The following NDUFAB1 variants were observed in gnomAD, a reference collection of about 807,000 sequenced individuals.
The protein encoded by NDUFAB1 is NADH:ubiquinone oxidoreductase subunit AB1.
NDUFAB1 carries 5 observed loss-of-function variants against 16.1 expected under a neutral mutation model. That is an observed-to-expected ratio of 0.31 (90% CI 0.16 to 0.65). The LOEUF (loss-of-function observed/expected upper bound fraction) is 0.65, where lower values mean the gene tolerates loss of function less well. Among genes scored for constraint, NDUFAB1 ranks in the 30% least tolerant of loss-of-function variants. The pLI, the probability that NDUFAB1 is intolerant of heterozygous loss-of-function variation, is 0.77. For synonymous variants in NDUFAB1, 85 were observed against 78.4 expected (o/e 1.08, Z -0.44); for missense variants, 187 against 205.3 (o/e 0.91, Z 0.54).
chr16:23,596,140 C>A lies in NDUFAB1; in HGVS notation c.151G>T (p.Ala51Ser). The A allele has an allele frequency of 1.2e-6, 2 of 1,608,692 alleles. No homozygotes were observed. Among genetic ancestry groups the A allele is most frequent in the Non-Finnish European group, 1.7e-6 (2 of 1,177,992 alleles). The change falls in exon 1 of 5, where the codon GCC (alanine) becomes TCC (serine). Residue 51 changes from alanine (A) to serine (S), a missense_variant. Coordinates refer to ENST00000007516, the MANE Select transcript of NDUFAB1 (RefSeq NM_005003.3). ...TQTRLGTLQPALVLAQVPGRV... is the reference protein window; with the variant it reads ...TQTRLGTLQPSLVLAQVPGRV... Reference sequence around the variant, plus strand: ...CGAGTCACCTGCGCGAGCACTAAGGCCGGCTGCAAAGTCCCGAGCCTCGTC... The same window carrying A: ...CGAGTCACCTGCGCGAGCACTAAGGACGGCTGCAAAGTCCCGAGCCTCGTC...
chr16:23,586,337 ATTT>A (rs892086548), intron 2 of NDUFAB1, among the ~76,000 whole-genome samples: 1 of 150,142 alleles, frequency 6.7e-6, no homozygotes, highest in African/African-American at 2.4e-5. Flanking sequence ...AACAGATTCA[ATTT>A]TTTTTCGTTG....
At chr16:23,595,607 C>T (rs1053791567) in intron 1 of NDUFAB1, 3 of 456,466 alleles carry the variant, frequency 6.6e-6, no homozygotes, top group Admixed American at 2.3e-5. Context: ...CCTAGAATTA[C>T]TTCCAGGAGT....
intron 1 of NDUFAB1, chr16:23,595,641 G>T (rs1320792784): frequency 2.2e-6 from 1 of 457,576 alleles, no homozygotes. Context: ...AGAAGGTGCT[G>T]CAGGGAAGAG....
intron 1 of NDUFAB1, among the ~76,000 whole-genome samples, chr16:23,594,240 C>T (rs867929874): frequency 5.9e-5 from 9 of 152,026 alleles, no homozygotes; most frequent in Non-Finnish European, 4.4e-5. Context: ...CAGGGCAGTG[C>T]CCAATGAATG....
intron 1 of NDUFAB1, chr16:23,595,334 A>G (rs546824272): frequency 9.9e-6 from 3 of 303,050 alleles, no homozygotes; most frequent in South Asian, 7.9e-5. Context: ...AGATTTCATC[A>G]GCTCAAGCTA....
At chr16:23,585,537 G>A (rs928755915) in intron 2 of NDUFAB1, 114 bp from the exon 3 acceptor site, 4 of 739,884 alleles carry the variant, frequency 5.4e-6, no homozygotes, top group African/African-American at 5.3e-5. Flanking sequence ...TATACTTTAA[G>A]TTTTAGGGTA....
At chr16:23,581,210 T>G (rs1966176384) in intron 4 of NDUFAB1, 37 bp from the exon 5 acceptor site, 1 of 152,416 alleles carries the variant, frequency 6.6e-6, no homozygotes, top group Non-Finnish European at 1.5e-5. Context: ...TTATTTTTGA[T>G]GTATTCTTAC....
At chr16:23,583,317 T>C (rs1254986668) in intron 3 of NDUFAB1, among the ~76,000 whole-genome samples, 144 of 91,664 alleles carry the variant, frequency 1.6e-3, no homozygotes, top group Middle Eastern at 9.1e-3. Flanking sequence ...GCCGCCATCC[T>C]GTCTAGGAAG....
chr16:23,585,761 G>A (rs1384358166), intron 2 of NDUFAB1, among the ~76,000 whole-genome samples: 1 of 152,144 alleles, frequency 6.6e-6, no homozygotes, highest in African/African-American at 2.4e-5. Flanking sequence ...AACACACAGT[G>A]TTTGGTTTTC....
chr16:23,590,272 G>T (rs912069299), intron 1 of NDUFAB1, among the ~76,000 whole-genome samples: 1 of 152,192 alleles, frequency 6.6e-6, no homozygotes, highest in Non-Finnish European at 1.5e-5. Flanking sequence ...CAGGATCAGC[G>T]TGAGGCAGTA....
rs1316511291 is a variant in NDUFAB1, at chr16:23,592,378, C to G, written c.168+3745G>C. On this transcript the variant is annotated intron_variant, in intron 1 of 4. Transcript: ENST00000007516. ...AAAAAAAGTCATGAAAGTGCAGTGC[C>G]TGTGTCTATGTGAGAAGACATCAGC... Among the ~76,000 whole-genome samples the G allele has an allele frequency of 2.6e-5, 4 of 151,266 alleles. 1 individual carries two copies. In the East Asian group the frequency reaches 7.8e-4, roughly 29 times the overall value.
At chr16:23,594,409 G>C (rs372761353) in intron 1 of NDUFAB1, among the ~76,000 whole-genome samples, 3 of 152,140 alleles carry the variant, frequency 2.0e-5, no homozygotes, top group African/African-American at 7.2e-5. Context: ...CTGGAGTGCA[G>C]TGGCATCATC....
intron 1 of NDUFAB1, among the ~76,000 whole-genome samples, chr16:23,593,003 A>C (rs1331606763): frequency 1.3e-5 from 2 of 152,220 alleles, no homozygotes; most frequent in Admixed American, 1.3e-4. Context: ...CCAACATTTA[A>C]GGGTTAGGCA....
At chr16:23,593,644 C>G (rs1323254781) in intron 1 of NDUFAB1, among the ~76,000 whole-genome samples, 2 of 152,224 alleles carry the variant, frequency 1.3e-5, no homozygotes, top group East Asian at 3.8e-4. Flanking sequence ...GCAGGATCTT[C>G]TGGAAGCCCA....
intron 1 of NDUFAB1, among the ~76,000 whole-genome samples, chr16:23,588,915 C>A (rs148182460): frequency 3.3e-5 from 5 of 152,174 alleles, no homozygotes; most frequent in African/African-American, 1.2e-4. Flanking sequence ...ACAGAGGTTG[C>A]AGTGAGCCGA....
chr16:23,587,718 C>T (rs908719597), intron 1 of NDUFAB1, among the ~76,000 whole-genome samples: 1 of 152,234 alleles, frequency 6.6e-6, no homozygotes, highest in African/African-American at 2.4e-5. Flanking sequence ...TGACCCAAGT[C>T]AAAATAACCC....
chr16:23,596,099 G>A (rs1966323255), intron 1 of NDUFAB1, 24 bp downstream of exon 1: 2 of 1,598,172 alleles, frequency 1.3e-6, no homozygotes, highest in African/African-American at 1.4e-5. Context: ...CTTGCCAAGC[G>A]GCAGCAAAGT....
chr16:23,585,935 T>A (rs772503167), intron 2 of NDUFAB1, among the ~76,000 whole-genome samples: 3 of 152,218 alleles, frequency 2.0e-5, no homozygotes, highest in Non-Finnish European at 4.4e-5. Context: ...TGTTGTCTGT[T>A]TTTTGGTTTT....
chr16:23,583,008 A>G (rs1160538020), intron 3 of NDUFAB1, among the ~76,000 whole-genome samples: 5 of 152,196 alleles, frequency 3.3e-5, no homozygotes, highest in Admixed American at 2.0e-4. Flanking sequence ...TGGTGGAGAC[A>G]GGGTTTCGCT....
Sources: allele counts gnomAD v4.1 joint callset (sites outside exome capture counted in the v4.1 genomes callset), GRCh38; gene constraint gnomAD v4.1.1; transcripts MANE v1.5; gene names NCBI Gene and HGNC (gene_info 2026-07-23, HGNC 2026-07-21).